LUZP2: variants seen among roughly 807,000 people sequenced by gnomAD.
LUZP2 encodes the protein leucine zipper protein 2.
A neutral mutation model predicts 51.6 loss-of-function variants in LUZP2; 52 were observed. The observed-to-expected ratio is 1.01, with a 90% CI of 0.81 to 1.27. The LOEUF is 1.27. Among genes scored for constraint, LUZP2 ranks in the 50% most tolerant of loss-of-function variants. The pLI is 0.00. For synonymous variants in LUZP2, 154 were observed against 137.3 expected (o/e 1.12, Z -0.85); for missense variants, 436 against 395.4 (o/e 1.10, Z -0.87).
At position 25,078,546 on chromosome 11, in the gene LUZP2, T is replaced by C; in HGVS notation, c.937-8T>C. On this transcript the variant is annotated splice_polypyrimidine_tract_variant and splice_region_variant and intron_variant, in intron 11 of 11. Transcript: ENST00000336930. ...TCTTCGAATTGTCTTTTCTGTATTG[T>C]TTAACAGAAATTGCAAATGCCTCCT... 6.2e-7 allele frequency: 1 copy of C among 1,602,254 alleles called. No individual in the cohort carries two copies.
At chr11:24,747,272 G>A (rs1297470945) in intron 4 of LUZP2, among the ~76,000 whole-genome samples, 1 of 152,058 alleles carries the variant, frequency 6.6e-6, no homozygotes, top group Admixed American at 6.6e-5. Flanking sequence ...GTTTTCCTGT[G>A]GATGTTCATT....
intron 1 of LUZP2, among the ~76,000 whole-genome samples, chr11:24,574,373 CCTT>C (rs1852566980): frequency 1.9e-5 from 2 of 105,648 alleles, no homozygotes; most frequent in African/African-American, 3.3e-5. Flanking sequence ...CTCCTTCCTT[CCTT>C]CTTTTCTTCT....
intron 1 of LUZP2, among the ~76,000 whole-genome samples, chr11:24,505,440 A>G (rs1850118851): frequency 1.3e-5 from 2 of 152,214 alleles, no homozygotes; most frequent in African/African-American, 4.8e-5. Context: ...CATATTTAAC[A>G]GTGCCTCTCT....
Position 25,050,061 on chromosome 11 carries a change from C to G in LUZP2, c.789C>G (p.Asn263Lys). Reference protein sequence around the residue: ...KSKPQQSASGNNESSQVESTK... With the variant: ...KSKPQQSASGKNESSQVESTK... ...AGCCTCAACAAAGTGCTTCTGGAAA[C>G]AATGAGAGCTCTCAAGTTGAGTCAA... Residue 263 changes from asparagine (N) to lysine (K), a missense_variant, in exon 10 of 12, where the codon AAC (asparagine) becomes AAG (lysine). By Grantham distance (94) the Asn-to-Lys change is moderately conservative. Transcript: ENST00000336930. The G allele has an allele frequency of 1.3e-6, 2 of 1,597,790 alleles. No homozygotes were observed. Among genetic ancestry groups the G allele is most frequent in the Non-Finnish European group, 1.7e-6 (2 of 1,171,858 alleles).
chr11:25,056,251 C>A (rs977421386), intron 10 of LUZP2, among the ~76,000 whole-genome samples: 3 of 151,976 alleles, frequency 2.0e-5, no homozygotes, highest in Non-Finnish European at 4.4e-5. Flanking sequence ...GTATCTGAAA[C>A]TAGAATTAGC....
At chr11:25,024,162 G>C (rs1439110827) in intron 9 of LUZP2, among the ~76,000 whole-genome samples, 2 of 152,076 alleles carry the variant, frequency 1.3e-5, no homozygotes, top group South Asian at 2.1e-4. Context: ...GCTTGGTGCA[G>C]AGCTGAGTTC....
intron 5 of LUZP2, among the ~76,000 whole-genome samples, chr11:24,847,877 C>T (rs975736573): frequency 1.3e-5 from 2 of 152,084 alleles, no homozygotes; most frequent in Admixed American, 6.6e-5. Context: ...GTTACTATCA[C>T]CATTAATTTC....
At chr11:25,033,076 C>G (rs112623778) in intron 9 of LUZP2, among the ~76,000 whole-genome samples, 2 of 152,100 alleles carry the variant, frequency 1.3e-5, no homozygotes, top group African/African-American at 4.8e-5. Context: ...AGAAACAAAA[C>G]GCCGGGAACA....
chr11:24,817,463 G>A (rs915480360), intron 5 of LUZP2, among the ~76,000 whole-genome samples: 1 of 151,960 alleles, frequency 6.6e-6, no homozygotes, highest in Non-Finnish European at 1.5e-5. Context: ...TCTCAGAGAG[G>A]TACAAGAGCC....
chr11:24,626,282 T>A (rs913472168), intron 1 of LUZP2, among the ~76,000 whole-genome samples: 1 of 152,130 alleles, frequency 6.6e-6, no homozygotes, highest in Non-Finnish European at 1.5e-5. Flanking sequence ...GAGCCTATAT[T>A]GTCTCAATTG....
chr11:24,625,792 G>T (rs11028080), intron 1 of LUZP2, among the ~76,000 whole-genome samples: 30,466 of 151,764 alleles, frequency 0.2, 3,739 homozygotes, highest in East Asian at 0.33. Flanking sequence ...ACCCACAAAA[G>T]GCATTGATAA....
intron 1 of LUZP2, among the ~76,000 whole-genome samples, chr11:24,542,494 G>A (rs1359068256): frequency 6.6e-6 from 1 of 151,570 alleles, no homozygotes; most frequent in Non-Finnish European, 1.5e-5. Context: ...ATTACTGAAT[G>A]TTAAATCAAT....
intron 7 of LUZP2, among the ~76,000 whole-genome samples, chr11:24,932,584 A>T (rs1056801022): frequency 6.6e-6 from 1 of 152,220 alleles, no homozygotes; most frequent in East Asian, 1.9e-4. Flanking sequence ...AGTGGGGAAA[A>T]GTTGGCAGTG....
intron 1 of LUZP2, among the ~76,000 whole-genome samples, chr11:24,517,815 G>A (rs1055184386): frequency 1.3e-5 from 2 of 152,082 alleles, no homozygotes; most frequent in African/African-American, 4.8e-5. Context: ...TCTGAAGAAA[G>A]AAAAATCCTT....
At chr11:24,879,883 G>T (rs1475904812) in intron 5 of LUZP2, among the ~76,000 whole-genome samples, 1 of 152,110 alleles carries the variant, frequency 6.6e-6, no homozygotes, top group Non-Finnish European at 1.5e-5. Context: ...AGAAGGAAGG[G>T]TCTCTTTTCA....
At chr11:24,774,073 C>T (rs1345521959) in intron 5 of LUZP2, among the ~76,000 whole-genome samples, 1 of 151,740 alleles carries the variant, frequency 6.6e-6, no homozygotes, top group African/African-American at 2.4e-5. Context: ...AAAGGCAGAC[C>T]CACCCTTAAT....
chr11:24,973,665 A>AT (rs1433910275), intron 7 of LUZP2, among the ~76,000 whole-genome samples: 1 of 151,744 alleles, frequency 6.6e-6, no homozygotes, highest in African/African-American at 2.4e-5. Flanking sequence ...TAACTTCTTC[A>AT]TTTTTGTCTT....
chr11:24,674,954 C>T (rs1409549903), intron 1 of LUZP2, among the ~76,000 whole-genome samples: 2 of 152,176 alleles, frequency 1.3e-5, no homozygotes, highest in African/African-American at 4.8e-5. Context: ...AAAATCTGAA[C>T]TCAGTTTTTA....
At chr11:24,968,339 C>T (rs1351815896) in intron 7 of LUZP2, among the ~76,000 whole-genome samples, 1 of 152,088 alleles carries the variant, frequency 6.6e-6, no homozygotes, top group African/African-American at 2.4e-5. Flanking sequence ...TATACTTAAA[C>T]AAATAAAGGT....
Sources: allele counts gnomAD v4.1 joint callset (sites outside exome capture counted in the v4.1 genomes callset), GRCh38; gene constraint gnomAD v4.1.1; transcripts MANE v1.5; gene names NCBI Gene and HGNC (gene_info 2026-07-23, HGNC 2026-07-21).